NRG2: variants seen among roughly 807,000 people sequenced by gnomAD.
NRG2 encodes the protein pro-neuregulin-2, membrane-bound isoform.
Under a neutral mutation model 73.9 loss-of-function variants are expected in NRG2, and 27 were observed. The ratio of observed to expected loss-of-function variants is 0.37; its 90% CI spans 0.27 to 0.50. The LOEUF (loss-of-function observed/expected upper bound fraction) is 0.50. Ranked by LOEUF, NRG2 falls within the 20% of genes least tolerant of loss-of-function variation. The pLI is 0.96. For missense variants in NRG2, 1,126 were observed against 1,210.1 expected, an observed-to-expected ratio of 0.93 and a Z score of 1.03; for synonymous variants, 532 against 541.0, an observed-to-expected ratio of 0.98 and a Z score of 0.23.
At chr5:139,908,988 A>C (rs544934769) in intron 1 of NRG2, among the ~76,000 whole-genome samples, 2 of 152,336 alleles carry the variant, frequency 1.3e-5, no homozygotes, top group Admixed American at 6.5e-5. Context: ...GCCTGTTGCC[A>C]TGGGAACTCT....
intron 5 of NRG2, chr5:139,859,780 C>T (rs1347759163): frequency 5.2e-6 from 6 of 1,152,106 alleles, no homozygotes; most frequent in Non-Finnish European, 2.5e-6. Flanking sequence ...TTGGAATCAT[C>T]CCTTTTCCAT....
chr5:139,928,972 G>C (rs550714110), intron 1 of NRG2, among the ~76,000 whole-genome samples: 1 of 152,124 alleles, frequency 6.6e-6, no homozygotes, highest in Non-Finnish European at 1.5e-5. Flanking sequence ...AAGCCTTCCA[G>C]CATCTCCCAA....
intron 1 of NRG2, among the ~76,000 whole-genome samples, chr5:139,938,920 AG>A (rs1753111448): frequency 7.3e-6 from 1 of 136,524 alleles, no homozygotes; most frequent in Non-Finnish European, 1.6e-5. Flanking sequence ...AAAGAAAGAA[AG>A]AAAGAAAGAA....
At chr5:140,039,956 G>C (rs1761794161) in intron 1 of NRG2, among the ~76,000 whole-genome samples, 1 of 152,210 alleles carries the variant, frequency 6.6e-6, no homozygotes, top group African/African-American at 2.4e-5. Context: ...GAATTTGTTA[G>C]TTATTTCCTG....
intron 1 of NRG2, among the ~76,000 whole-genome samples, chr5:139,980,319 T>C (rs535685062): frequency 6.6e-6 from 1 of 151,444 alleles, no homozygotes; most frequent in Admixed American, 6.6e-5. Context: ...AGATTTGTCT[T>C]TCTAATTCAC....
chr5:139,937,200 GT>G (rs1752914942), intron 1 of NRG2, among the ~76,000 whole-genome samples: 1 of 152,166 alleles, frequency 6.6e-6, no homozygotes, highest in African/African-American at 2.4e-5. Context: ...AAAAATCAAT[GT>G]AATTCACTCT....
chr5:139,932,492 G>A (rs1157608240), intron 1 of NRG2, among the ~76,000 whole-genome samples: 4 of 151,962 alleles, frequency 2.6e-5, no homozygotes, highest in Admixed American at 2.6e-4. Context: ...GTAGGAAATT[G>A]GGAGATGGAG....
chr5:139,848,959 T>C (rs571959342), intron 9 of NRG2, among the ~76,000 whole-genome samples: 11 of 152,302 alleles, frequency 7.2e-5, no homozygotes, highest in African/African-American at 2.6e-4. Flanking sequence ...TTCCAGATTG[T>C]ATCAGTGGGA....
intron 1 of NRG2, among the ~76,000 whole-genome samples, chr5:140,026,812 T>C (rs540035181): frequency 1.3e-5 from 2 of 152,140 alleles, no homozygotes; most frequent in African/African-American, 4.8e-5. Flanking sequence ...GAAGACTAGA[T>C]AAATGCTGTT....
Position 139,865,199 on chromosome 5 carries a change from G to A in NRG2, c.1189+350C>T. On this transcript the variant is annotated intron_variant, in intron 5 of 9. Coordinates refer to ENST00000361474, the MANE Select transcript of NRG2 (RefSeq NM_004883.3). The surrounding 1 kb of genome is among the most constrained non-coding windows in gnomAD (Gnocchi z 5.2). ...CTACCAAAAGAAAGAAAACCAGAAA[G>A]AGAGAGCCAGGATAGCAAGACACAG... 6.2e-7 allele frequency: 1 copy of A among 1,601,478 alleles called. No homozygotes were observed. Among genetic ancestry groups the A allele is most frequent in the Non-Finnish European group, 8.6e-7 (1 of 1,168,670 alleles).
intron 1 of NRG2, among the ~76,000 whole-genome samples, chr5:139,989,197 G>A (rs1054429000): frequency 5.3e-5 from 8 of 151,864 alleles, no homozygotes; most frequent in East Asian, 1.9e-4. Context: ...CATTATCTCC[G>A]GAATAGATTC....
chr5:140,019,614 T>A (rs1760062958), intron 1 of NRG2: 1 of 152,110 alleles, frequency 6.6e-6, no homozygotes. Context: ...TTTAAGAAAG[T>A]ATAAGTTCAA....
chr5:139,917,182 C>A (rs1484032731), intron 1 of NRG2, among the ~76,000 whole-genome samples: 2 of 152,190 alleles, frequency 1.3e-5, no homozygotes, highest in Non-Finnish European at 2.9e-5. Context: ...ACATACCATA[C>A]AATTCACCCA....
intron 1 of NRG2, among the ~76,000 whole-genome samples, chr5:139,995,239 A>G (rs1757936575): frequency 6.6e-6 from 1 of 152,074 alleles, no homozygotes; most frequent in Non-Finnish European, 1.5e-5. Context: ...GGGAACAGAG[A>G]CCCTGCCCCC....
chr5:139,884,334 G>T (rs1763730506), intron 2 of NRG2, among the ~76,000 whole-genome samples: 1 of 152,202 alleles, frequency 6.6e-6, no homozygotes. Flanking sequence ...GACAAGTGAG[G>T]GGAGGAGGGC....
At position 139,938,420 on chromosome 5, in the gene NRG2, G is replaced by A. The variant is rs190016920; in HGVS notation, c.701-50909C>T. On this transcript the variant is annotated intron_variant, in intron 1 of 9. Transcript: ENST00000361474. The stretch of plus-strand genomic sequence containing the variant: ...CTCCCAGGCTGGAGTGCAGTGGCTT[G>A]ATCATAGCTCACTGCAGCCTTTATC... Among the ~76,000 whole-genome samples the A allele has an allele frequency of 2.3e-3, 352 of 151,712 alleles. 1 individual carries two copies. Among genetic ancestry groups the A allele is most frequent in the African/African-American group, 8.3e-3 (344 of 41,316 alleles).
At chr5:139,848,770 G>GGGGGGGGGGGGGGGGGGTC in intron 9 of NRG2, 73 bp from the exon 10 acceptor site, 1 of 159,414 alleles carries the variant, frequency 6.3e-6, no homozygotes, top group Non-Finnish European at 1.2e-5. Flanking sequence ...TGGGGGTGGG[G>GGGGGGGGGGGGGGGGGGTC]TAGGGTGGGA....
At chr5:139,888,351 C>T (rs142440034) in intron 1 of NRG2, among the ~76,000 whole-genome samples, 1 of 152,194 alleles carries the variant, frequency 6.6e-6, no homozygotes, top group Admixed American at 6.5e-5. Context: ...TTGCCTGAAG[C>T]CACATAGCCA....
chr5:139,997,806 C>T (rs986671397), intron 1 of NRG2, among the ~76,000 whole-genome samples: 2 of 152,240 alleles, frequency 1.3e-5, no homozygotes, highest in Non-Finnish European at 2.9e-5. Flanking sequence ...CTGCTGCCTA[C>T]AAGCTGAGGT....
Sources: gnomAD v4.1 joint callset for allele counts (sites outside exome capture counted in the v4.1 genomes callset) on GRCh38, gnomAD v4.1.1 for gene constraint, Gnocchi (gnomAD v3.1) non-coding constraint, MANE v1.5 for transcripts, NCBI Gene and HGNC (gene_info 2026-07-23, HGNC 2026-07-21) for gene names.